Variants in TBX18 observed in about 807,000 individuals in gnomAD.
TBX18 encodes the protein T-box transcription factor TBX18.
TBX18 carries 21 observed loss-of-function variants against 55.0 expected under a neutral mutation model. That is an observed-to-expected ratio of 0.38 (90% confidence interval 0.27 to 0.55). TBX18 has a LOEUF of 0.55. Among genes scored for constraint, TBX18 ranks in the 20% least tolerant of loss-of-function variants. The pLI, the probability that TBX18 is intolerant of heterozygous loss-of-function variation, is 0.73. For missense variants in TBX18, 840 were observed against 799.6 expected (o/e 1.05, Z -0.61); for synonymous variants, 342 against 326.1 (o/e 1.05, Z -0.53).
intron 4 of TBX18, among the ~76,000 whole-genome samples, chr6:84,748,350 T>C (rs1767253227): frequency 6.6e-6 from 1 of 152,224 alleles, no homozygotes. Context: ...AAATTTTCTG[T>C]TGCTAAAAAC....
intron 4 of TBX18, among the ~76,000 whole-genome samples, chr6:84,750,024 G>A (rs757238255): frequency 1.3e-5 from 2 of 152,094 alleles, no homozygotes; most frequent in Non-Finnish European, 2.9e-5. Context: ...GGTGGCTCAC[G>A]CCTGTAATCC....
intron 6 of TBX18, chr6:84,742,189 A>G (rs1767064927): frequency 6.6e-6 from 1 of 152,188 alleles, no homozygotes; most frequent in African/African-American, 2.4e-5. Context: ...AAAATTTTAA[A>G]TTTTAACAAA....
chr6:84,764,377 C>T lies in TBX18; in HGVS notation c.-196G>A. The T allele has an allele frequency of 3.9e-6, 3 of 764,428 alleles. No individual in the cohort carries two copies. The highest frequency in any genetic ancestry group is 5.7e-6 in the Non-Finnish European group (3 of 525,402). 47.4% of individuals were successfully genotyped at this position (764,428 alleles called of 1,614,324 possible). A position where few individuals can be genotyped will look rare whatever the true frequency, so the allele number is the denominator to read the frequency against. ...TGTTGGGATCCAGGAACCGGCGACG[C>T]GCCGGCCAAGTCTCCTTTCCTGGGT... is the stretch of plus-strand genomic sequence containing the variant. On this transcript the variant is annotated 5_prime_UTR_variant, in exon 1 of 8. Transcript: ENST00000369663.
chr6:84,763,263 C>G (rs1767707207), intron 1 of TBX18: 1 of 395,194 alleles, frequency 2.5e-6, no homozygotes, highest in Non-Finnish European at 5.0e-6. Context: ...TGGGCCGGGC[C>G]GGAGGCATCT....
At chr6:84,738,785 A>G (rs1766962454) in intron 6 of TBX18, among the ~76,000 whole-genome samples, 194 bp from the exon 7 acceptor site, 1 of 152,176 alleles carries the variant, frequency 6.6e-6, no homozygotes, top group South Asian at 2.1e-4. Context: ...GCAGCAGGAG[A>G]GAACTGAAAT....
intron 5 of TBX18, among the ~76,000 whole-genome samples, chr6:84,746,170 T>C (rs1582071311): frequency 1.3e-5 from 2 of 152,170 alleles, no homozygotes; most frequent in Non-Finnish European, 2.9e-5. Flanking sequence ...GCATTGCACT[T>C]ACTGTACCAC....
intron 6 of TBX18, among the ~76,000 whole-genome samples, chr6:84,743,568 T>C (rs911316296): frequency 6.6e-6 from 1 of 152,310 alleles, no homozygotes; most frequent in South Asian, 2.1e-4. Context: ...TATTACTACT[T>C]ACTAACAGTT....
chr6:84,737,561 A>G, intron 7 of TBX18, 152 bp from the exon 8 acceptor site: 1 of 865,406 alleles, frequency 1.2e-6, no homozygotes, highest in South Asian at 3.9e-5. Context: ...TCAAGGAATT[A>G]TCTGGTTGAA....
At chr6:84,743,226 C>T (rs1293430699) in intron 6 of TBX18, among the ~76,000 whole-genome samples, 3 of 152,088 alleles carry the variant, frequency 2.0e-5, no homozygotes, top group Non-Finnish European at 2.9e-5. Context: ...CCTCATGTTG[C>T]GTGGTGTTTC....
At chr6:84,761,590 T>C (rs1767648622) in intron 2 of TBX18, among the ~76,000 whole-genome samples, 2 of 152,350 alleles carry the variant, frequency 1.3e-5, no homozygotes, top group African/African-American at 4.8e-5. Context: ...TTTTATGCTA[T>C]CCAGGTTTTT....
At position 84,732,659 on chromosome 6, in the gene TBX18, A is replaced by G. The variant is rs1045380482; in HGVS notation, c.*4026T>C. 2 of 152,102 alleles carry G rather than the reference A, an allele frequency of 1.3e-5. No individual in the cohort carries two copies. The highest frequency in any genetic ancestry group is 2.9e-5 in the Non-Finnish European group (2 of 67,982). 9.4% of individuals were successfully genotyped at this position (152,102 alleles called of 1,614,324 possible). ...TGTCTTTTACTATTCACTATAAAGTAGCAAATACGTTACTAAGTATAGCTT... is the reference window on the plus strand; with the variant it reads ...TGTCTTTTACTATTCACTATAAAGTGGCAAATACGTTACTAAGTATAGCTT... On this transcript the variant is annotated 3_prime_UTR_variant, in exon 8 of 8. Coordinates refer to ENST00000369663, the MANE Select transcript of TBX18 (RefSeq NM_001080508.3).
intron 5 of TBX18, 92 bp from the exon 6 acceptor site, chr6:84,744,417 T>C: frequency 9.6e-7 from 1 of 1,037,310 alleles, no homozygotes; most frequent in Admixed American, 2.0e-5. Context: ...AAAAGTTAAC[T>C]GTTAGAGGAC....
At chr6:84,760,054 CA>C (rs1370945717) in intron 3 of TBX18, among the ~76,000 whole-genome samples, 200 bp downstream of exon 3, 1 of 152,102 alleles carries the variant, frequency 6.6e-6, no homozygotes, top group Non-Finnish European at 1.5e-5. Context: ...CTATTAAAAA[CA>C]AAACAAAAAT....
rs1026524875 is a variant in TBX18, at chr6:84,757,759, T to A, written c.600-890A>T. ...ATATTAATATTTAACTATATTAAGA[T>A]TACCATTTATTAATAATTTAAAATA... On this transcript the variant is annotated intron_variant, in intron 3 of 7. Coordinates refer to ENST00000369663, the MANE Select transcript of TBX18 (RefSeq NM_001080508.3). 3.1e-4 allele frequency among the ~76,000 whole-genome samples: 47 copies of A among 151,890 alleles called. 1 individual carries two copies. The highest frequency in any genetic ancestry group is 2.9e-4 in the Non-Finnish European group (20 of 67,966).
chr6:84,761,052 T>C (rs1016745765), intron 2 of TBX18, among the ~76,000 whole-genome samples: 7 of 152,218 alleles, frequency 4.6e-5, no homozygotes, highest in African/African-American at 1.7e-4. Flanking sequence ...AAAATTTGCA[T>C]TTATCCTGGC....
chr6:84,749,611 G>GA (rs1215128654), intron 4 of TBX18, among the ~76,000 whole-genome samples: 2 of 151,858 alleles, frequency 1.3e-5, no homozygotes, highest in African/African-American at 4.8e-5. Context: ...GACAACAGGG[G>GA]AAAACAGCCC....
At chr6:84,739,439 C>T (rs1292031508) in intron 6 of TBX18, among the ~76,000 whole-genome samples, 1 of 151,980 alleles carries the variant, frequency 6.6e-6, no homozygotes, top group African/African-American at 2.4e-5. Context: ...AGAGACTTCC[C>T]CTCTGTATAT....
chr6:84,754,460 C>T (rs1281392069), intron 4 of TBX18, among the ~76,000 whole-genome samples: 1 of 152,180 alleles, frequency 6.6e-6, no homozygotes, highest in Non-Finnish European at 1.5e-5. Context: ...ATTTATTCAA[C>T]TAGTACATCC....
chr6:84,757,864 T>C (rs949294547), intron 3 of TBX18, among the ~76,000 whole-genome samples: 5 of 152,132 alleles, frequency 3.3e-5, no homozygotes, highest in African/African-American at 1.2e-4. Context: ...ATATTTTCCT[T>C]CCATTTGTGT....
Sources: allele counts gnomAD v4.1 joint callset (sites outside exome capture counted in the v4.1 genomes callset), GRCh38; gene constraint gnomAD v4.1.1; transcripts MANE v1.5; gene names NCBI Gene and HGNC (gene_info 2026-07-23, HGNC 2026-07-21).